Variants in OTOGL observed in about 807,000 individuals in gnomAD.
The protein encoded by OTOGL is otogelin like.
A neutral mutation model predicts 318.5 loss-of-function variants in OTOGL; 285 were observed. That is an observed-to-expected ratio of 0.89 (90% CI 0.81 to 0.99). OTOGL has a LOEUF of 0.99. OTOGL is among the 50% of genes least tolerant of loss of function. The pLI, the probability that OTOGL is intolerant of heterozygous loss-of-function variation, is 0.00. For missense variants in OTOGL, 2,899 were observed against 2,845.6 expected (o/e 1.02, Z -0.43); for synonymous variants, 987 against 936.5 (o/e 1.05, Z -0.99).
At chr12:80,315,550 A>G (rs1886916380) in intron 32 of OTOGL, among the ~76,000 whole-genome samples, 1 of 152,192 alleles carries the variant, frequency 6.6e-6, no homozygotes, top group Admixed American at 6.5e-5. Context: ...CTAGGGAAGT[A>G]TCCATTTTGT....
intron 1 of OTOGL, among the ~76,000 whole-genome samples, chr12:80,108,813 GTGTATATATATGTATATATAT>G (rs1869626931): frequency 1.5e-5 from 2 of 134,148 alleles, no homozygotes; most frequent in East Asian, 2.1e-4. Context: ...ATATATATAT[GTGTATATATATGTATATATAT>G]TGTATATATA....
chr12:80,283,905 A>G (rs1449732743), intron 26 of OTOGL, among the ~76,000 whole-genome samples: 1 of 152,042 alleles, frequency 6.6e-6, no homozygotes, highest in East Asian at 1.9e-4. Context: ...ACATGTGCAG[A>G]ACGTGCAGGT....
chr12:80,353,462 A>G lies in OTOGL; in HGVS notation c.5545A>G (p.Ile1849Val), dbSNP rs7297767. Residue 1849 changes from isoleucine to valine, a missense_variant, in exon 46 of 59, where the codon ATT (isoleucine) becomes GTT (valine). This residue lies in a region of OTOGL where 2,607 missense variants were observed against 2,524.9 expected (regional missense o/e 1.03). Coordinates refer to ENST00000547103, the MANE Select transcript of OTOGL (RefSeq NM_001378609.3). The part of the protein sequence containing the change: ...REDCVCKVGT[I>V]LHRPHSAQCI... ...AGACTGTGTGTGCAAAGTTGGAACT[A>G]TTCTTCACAGGCCACATTCAGCCCA... 0.85 allele frequency: 1,362,487 copies of G among 1,599,948 alleles called. 580,701 individuals carry two copies. Among genetic ancestry groups the G allele is most frequent in the South Asian group, 0.88 (78,040 of 88,312 alleles).
At position 80,368,252 on chromosome 12, in the gene OTOGL, C is replaced by G; in HGVS notation, c.6558C>G (p.Thr2186=). Residue 2186 remains threonine (T), a synonymous_variant, in exon 55 of 59, where the codon ACC becomes ACG. Coordinates refer to ENST00000547103, the MANE Select transcript of OTOGL (RefSeq NM_001378609.3). ...CAAGTGATTATGGTTGTTGTGGTAC[C>G]TGCAAAAATGTATCCTGCAAATTTC... is the stretch of plus-strand genomic sequence containing the variant. ...PSPSDYGCCG[T]CKNVSCKFHM... 1 of 1,604,200 alleles carries G rather than the reference C, an allele frequency of 6.2e-7. No homozygotes were observed. The highest frequency in any genetic ancestry group is 8.5e-7 in the Non-Finnish European group (1 of 1,174,518).
intron 26 of OTOGL, among the ~76,000 whole-genome samples, chr12:80,281,170 T>G (rs569854685): frequency 6.6e-6 from 1 of 151,970 alleles, no homozygotes; most frequent in Admixed American, 6.6e-5. Flanking sequence ...CCTCTTCCTA[T>G]TTGGATGCCT....
intron 52 of OTOGL, among the ~76,000 whole-genome samples, chr12:80,364,972 A>G (rs1268178166): frequency 6.6e-6 from 1 of 152,070 alleles, no homozygotes; most frequent in East Asian, 1.9e-4. Flanking sequence ...ATATTAACCC[A>G]TTATATTAAC....
intron 1 of OTOGL, among the ~76,000 whole-genome samples, chr12:80,136,283 G>A (rs1871565149): frequency 6.6e-6 from 1 of 152,112 alleles, no homozygotes; most frequent in African/African-American, 2.4e-5. Context: ...GATCTACCCA[G>A]TGGTAAATTC....
At position 80,356,537 on chromosome 12, in the gene OTOGL, G is replaced by A; in HGVS notation, c.5911+17G>A. ...ACAAATGTGGTAAGTAATCAATATA[G>A]AAAATTAAGAGTGAGGTTCATTGTT... is the stretch of plus-strand genomic sequence containing the variant. On this transcript the variant is annotated intron_variant, in intron 48 of 58. Coordinates refer to ENST00000547103, the MANE Select transcript of OTOGL (RefSeq NM_001378609.3). The A allele has an allele frequency of 2.6e-6, 4 of 1,535,398 alleles. No individual in the cohort carries two copies. In the South Asian group the frequency reaches 4.7e-5, roughly 18 times the overall value.
intron 34 of OTOGL, among the ~76,000 whole-genome samples, chr12:80,321,080 C>T (rs1443647596): frequency 6.6e-6 from 1 of 152,106 alleles, no homozygotes; most frequent in African/African-American, 2.4e-5. Context: ...TAGAAGGCAA[C>T]TCTAATTTAT....
At chr12:80,301,370 T>C (rs1341033259) in intron 27 of OTOGL, among the ~76,000 whole-genome samples, 1 of 152,200 alleles carries the variant, frequency 6.6e-6, no homozygotes, top group Non-Finnish European at 1.5e-5. Context: ...CCTGCCTAAA[T>C]TATCTTCTTT....
chr12:80,229,337 A>G lies in OTOGL; in HGVS notation c.570A>G (p.Glu190=). ...SISLFFSNQE[E]IRIYGHEIKK... ...GCTTGTTCTTTTCAAACCAAGAGGAAATTCGAATTTATGGTCATGAAATAA... is the reference window on the plus strand; with the variant it reads ...GCTTGTTCTTTTCAAACCAAGAGGAGATTCGAATTTATGGTCATGAAATAA... Residue 190 remains glutamate (E), a synonymous_variant, in exon 8 of 59, where the codon GAA becomes GAG. Transcript: ENST00000547103. 3 of 1,596,302 alleles carry G rather than the reference A, an allele frequency of 1.9e-6. No homozygotes were observed. The highest frequency in any genetic ancestry group is 2.5e-6 in the Non-Finnish European group (3 of 1,176,984).
chr12:80,265,498 G>A (rs751734864), intron 20 of OTOGL: 27 of 402,124 alleles, frequency 6.7e-5, no homozygotes, highest in Non-Finnish European at 8.8e-5. Flanking sequence ...AATTCTTATC[G>A]TGGAAATATC....
intron 1 of OTOGL, among the ~76,000 whole-genome samples, chr12:80,123,274 A>G (rs1870599262): frequency 1.3e-5 from 2 of 152,008 alleles, no homozygotes; most frequent in Non-Finnish European, 2.9e-5. Context: ...ATGAGTGAGA[A>G]CATGTGGTGT....
At chr12:80,154,186 G>T (rs1390214314) in intron 1 of OTOGL, among the ~76,000 whole-genome samples, 1 of 152,100 alleles carries the variant, frequency 6.6e-6, no homozygotes, top group Admixed American at 6.5e-5. Context: ...GCTCACGCCT[G>T]TAGTCCCAGC....
At chr12:80,295,133 AAC>A (rs1323422503) in intron 26 of OTOGL, among the ~76,000 whole-genome samples, 1 of 150,800 alleles carries the variant, frequency 6.6e-6, no homozygotes, top group Non-Finnish European at 1.5e-5. Context: ...AAAAAAACAA[AAC>A]ACAAACTGTA....
chr12:80,319,998 C>A (rs1288024867), intron 33 of OTOGL, among the ~76,000 whole-genome samples: 1 of 152,080 alleles, frequency 6.6e-6, no homozygotes, highest in Non-Finnish European at 1.5e-5. Flanking sequence ...TTTCTGTATT[C>A]TCTTTTCTAT....
chr12:80,100,730 A>C (rs74739947), intron 1 of OTOGL, among the ~76,000 whole-genome samples: 3,179 of 152,058 alleles, frequency 0.021, 122 homozygotes, highest in African/African-American at 0.073. Flanking sequence ...CATTATTACA[A>C]CTCCAGAATG....
chr12:80,279,544 G>A (rs1243159493), intron 26 of OTOGL, among the ~76,000 whole-genome samples: 3 of 151,478 alleles, frequency 2.0e-5, no homozygotes, highest in Non-Finnish European at 3.0e-5. Context: ...GAGAACATGC[G>A]GTATTTGGTT....
chr12:80,251,668 C>T, intron 11 of OTOGL, 25 bp from the exon 12 acceptor site: 1 of 1,526,824 alleles, frequency 6.5e-7, no homozygotes, highest in Non-Finnish European at 8.9e-7. Context: ...CTATGTGATT[C>T]TGGCTCTGTC....
Sources: gnomAD v4.1 joint callset for allele counts (sites outside exome capture counted in the v4.1 genomes callset) on GRCh38, gnomAD v4.1.1 for gene constraint, gnomAD v4.1.1 regional missense constraint, MANE v1.5 for transcripts, NCBI Gene and HGNC (gene_info 2026-07-23, HGNC 2026-07-21) for gene names.